The following STXBP5L variants were observed in gnomAD, a reference collection of about 807,000 sequenced individuals.
STXBP5L encodes syntaxin-binding protein 5-like.
Under a neutral mutation model 144.5 loss-of-function variants are expected in STXBP5L, and 65 were observed. The ratio of observed to expected loss-of-function variants is 0.45; its 90% CI spans 0.37 to 0.55. STXBP5L has a LOEUF of 0.55. Among genes scored for constraint, STXBP5L ranks in the 20% least tolerant of loss-of-function variants. The pLI is 0.00. For synonymous variants in STXBP5L, 505 were observed against 469.6 expected (o/e 1.08, Z -0.97); for missense variants, 1,298 against 1,405.5 (o/e 0.92, Z 1.22).
intron 20 of STXBP5L, among the ~76,000 whole-genome samples, chr3:121,328,310 G>A: frequency 6.6e-6 from 1 of 152,090 alleles, no homozygotes; most frequent in South Asian, 2.1e-4. Flanking sequence ...CATTAATCCT[G>A]ACAAGATTCT....
At chr3:121,291,055 C>A (rs1173958437) in intron 19 of STXBP5L, among the ~76,000 whole-genome samples, 5 of 151,922 alleles carry the variant, frequency 3.3e-5, no homozygotes, top group Admixed American at 6.6e-5. Flanking sequence ...GCCAGAGCAA[C>A]CAGACAAGAG....
rs957894481 is a variant in STXBP5L, at chr3:121,186,539, C to T, written c.878-19384C>T. On this transcript the variant is annotated intron_variant, in intron 9 of 26. Coordinates refer to ENST00000471454, the MANE Select transcript of STXBP5L (RefSeq NM_001308330.2). ...ATTTTGTCAAAGGCCTTTCCTGCAT[C>T]TATTGAGATAATCCTGTGGTTTTTG... 3.3e-5 allele frequency among the ~76,000 whole-genome samples: 5 copies of T among 152,162 alleles called. No homozygotes were observed. In the East Asian group the frequency reaches 9.6e-4, roughly 29 times the overall value.
chr3:121,262,093 T>C (rs1435148261), intron 18 of STXBP5L, among the ~76,000 whole-genome samples: 1 of 152,150 alleles, frequency 6.6e-6, no homozygotes, highest in Non-Finnish European at 1.5e-5. Flanking sequence ...CCATTCATAA[T>C]GGCGGAATCC....
intron 19 of STXBP5L, among the ~76,000 whole-genome samples, chr3:121,303,078 A>G (rs1056160185): frequency 1.3e-5 from 2 of 152,204 alleles, no homozygotes; most frequent in African/African-American, 2.4e-5. Context: ...AGAAACTACC[A>G]TCAGAGTGAA....
chr3:120,992,395 A>G (rs187798649), intron 3 of STXBP5L, among the ~76,000 whole-genome samples: 1 of 152,192 alleles, frequency 6.6e-6, no homozygotes, highest in Non-Finnish European at 1.5e-5. Flanking sequence ...ATTAGACCTC[A>G]TTCCTTCTAT....
intron 20 of STXBP5L, among the ~76,000 whole-genome samples, chr3:121,342,843 G>C (rs1156385610): frequency 3.4e-5 from 5 of 148,064 alleles, no homozygotes; most frequent in African/African-American, 7.5e-5. Context: ...ATGATTTATA[G>C]TCCTTTGGGT....
At chr3:121,306,401 C>G (rs2043338619) in intron 19 of STXBP5L, among the ~76,000 whole-genome samples, 1 of 152,100 alleles carries the variant, frequency 6.6e-6, no homozygotes, top group Non-Finnish European at 1.5e-5. Context: ...ACCTCAGTAC[C>G]ATAAAATATT....
At chr3:120,997,710 C>G (rs1307314911) in intron 3 of STXBP5L, among the ~76,000 whole-genome samples, 1 of 152,028 alleles carries the variant, frequency 6.6e-6, no homozygotes, top group African/African-American at 2.4e-5. Context: ...CAAATATTTT[C>G]TCTCATTCTG....
chr3:121,202,809 A>G (rs2048187565), intron 9 of STXBP5L, among the ~76,000 whole-genome samples: 1 of 151,956 alleles, frequency 6.6e-6, no homozygotes, highest in African/African-American at 2.4e-5. Context: ...ACTGCTTTCA[A>G]GGTGTTTTAT....
chr3:121,410,545 C>A (rs936051935), intron 23 of STXBP5L, among the ~76,000 whole-genome samples: 7 of 151,962 alleles, frequency 4.6e-5, no homozygotes, highest in Admixed American at 1.3e-4. Flanking sequence ...TCTTTCCAGA[C>A]CCTATCAGAA....
At chr3:121,200,269 T>C (rs1420113209) in intron 9 of STXBP5L, among the ~76,000 whole-genome samples, 2 of 152,210 alleles carry the variant, frequency 1.3e-5, no homozygotes, top group African/African-American at 4.8e-5. Context: ...TTTATTTGCA[T>C]AGAGGTGCTA....
intron 22 of STXBP5L, among the ~76,000 whole-genome samples, chr3:121,394,934 A>G (rs1247639202): frequency 6.6e-6 from 1 of 152,134 alleles, no homozygotes; most frequent in South Asian, 2.1e-4. Context: ...CTGAAGAAAA[A>G]TGAAATTCCC....
intron 20 of STXBP5L, among the ~76,000 whole-genome samples, chr3:121,355,214 C>T (rs1316094276): frequency 6.6e-6 from 1 of 152,110 alleles, no homozygotes; most frequent in African/African-American, 2.4e-5. Flanking sequence ...TCTATATTTC[C>T]TGAATTTGAA....
chr3:121,406,407 T>C (rs1473192795), intron 22 of STXBP5L, among the ~76,000 whole-genome samples: 1 of 152,084 alleles, frequency 6.6e-6, no homozygotes, highest in Non-Finnish European at 1.5e-5. Context: ...ACATACTTTC[T>C]CTGCATGATG....
intron 9 of STXBP5L, among the ~76,000 whole-genome samples, chr3:121,192,256 A>T (rs1472345333): frequency 2.6e-5 from 4 of 152,174 alleles, no homozygotes; most frequent in Middle Eastern, 6.3e-3. Flanking sequence ...TAGGCATACA[A>T]CTTACAAGTG....
chr3:121,334,073 C>T (rs1377668548), intron 20 of STXBP5L, among the ~76,000 whole-genome samples: 1 of 152,058 alleles, frequency 6.6e-6, no homozygotes, highest in Non-Finnish European at 1.5e-5. Flanking sequence ...ACCCCTTTTG[C>T]TTGGTTCTCA....
intron 20 of STXBP5L, among the ~76,000 whole-genome samples, chr3:121,331,011 T>C (rs2044304728): frequency 6.6e-6 from 1 of 152,058 alleles, no homozygotes; most frequent in Admixed American, 6.6e-5. Context: ...CCCACTACCA[T>C]CCTGAAGCGT....
chr3:121,060,522 G>A (rs552055216), intron 5 of STXBP5L, among the ~76,000 whole-genome samples: 1 of 152,212 alleles, frequency 6.6e-6, no homozygotes, highest in South Asian at 2.1e-4. Context: ...TTTTTCTATT[G>A]TTTGGAATAG....
At chr3:121,090,561 A>G (rs1051349209) in intron 5 of STXBP5L, among the ~76,000 whole-genome samples, 1 of 152,138 alleles carries the variant, frequency 6.6e-6, no homozygotes, top group Non-Finnish European at 1.5e-5. Context: ...GCTCCTGTGG[A>G]ACAGAAAGGG....
Sources: allele counts gnomAD v4.1 joint callset (sites outside exome capture counted in the v4.1 genomes callset), GRCh38; gene constraint gnomAD v4.1.1; transcripts MANE v1.5; gene names NCBI Gene and HGNC (gene_info 2026-07-23, HGNC 2026-07-21).